Variants in ARMC3 observed in about 807,000 individuals in gnomAD.
ARMC3 encodes the protein armadillo repeat-containing protein 3.
Under a neutral mutation model 90.3 loss-of-function variants are expected in ARMC3, and 74 were observed. The ratio of observed to expected loss-of-function variants is 0.82; its 90% confidence interval spans 0.68 to 0.99. The LOEUF (loss-of-function observed/expected upper bound fraction) is 0.99. Among genes scored for constraint, ARMC3 ranks in the 50% least tolerant of loss-of-function variants. The pLI is 0.00. For missense variants in ARMC3, 958 were observed against 1,042.8 expected, an observed-to-expected ratio of 0.92 and a Z score of 1.12; for synonymous variants, 334 against 361.8, an observed-to-expected ratio of 0.92 and a Z score of 0.87.
At chr10:22,986,110 G>GCCCC (rs147031860) in intron 10 of ARMC3, among the ~76,000 whole-genome samples, 39 of 101,578 alleles carry the variant, frequency 3.8e-4, no homozygotes, top group East Asian at 3.2e-3. Context: ...TGCACTGCAC[G>GCCCC]CCCCCCCCCC....
At chr10:22,987,278 T>G (rs1197147995) in intron 10 of ARMC3, among the ~76,000 whole-genome samples, 20 of 143,442 alleles carry the variant, frequency 1.4e-4, no homozygotes, top group Admixed American at 1.3e-3. Flanking sequence ...ACTGAGAGAC[T>G]TATTCTCTGA....
At position 22,968,401 on chromosome 10, in the gene ARMC3, T is replaced by C; in HGVS notation, c.828T>C (p.Leu276=). 6.2e-7 allele frequency: 1 copy of C among 1,613,470 alleles called. No individual in the cohort carries two copies. Among genetic ancestry groups the C allele is most frequent in the Non-Finnish European group, 8.5e-7 (1 of 1,179,784 alleles). The change falls in exon 8 of 19, where the codon CTT becomes CTC. Residue 276 remains leucine (L), a synonymous_variant. Transcript: ENST00000298032. ...TMVQIQQTGG[L]KKLLSFAENS... ...TGCAGATTCAGCAGACAGGGGGTCT[T>C]AAAAAGCTCCTGTCATTTGCAGAAA...
chr10:22,952,865 T>A (rs554941176), intron 3 of ARMC3, among the ~76,000 whole-genome samples: 1 of 152,356 alleles, frequency 6.6e-6, no homozygotes, highest in African/African-American at 2.4e-5. Context: ...CAAGGTTGAT[T>A]TAATAACTGC....
chr10:22,931,252 T>A (rs577346403), intron 1 of ARMC3, among the ~76,000 whole-genome samples: 72 of 152,292 alleles, frequency 4.7e-4, no homozygotes, highest in Middle Eastern at 3.4e-3. Flanking sequence ...CCCAGGCTGG[T>A]TACTCCTCTG....
intron 10 of ARMC3, among the ~76,000 whole-genome samples, chr10:22,990,856 C>T (rs1218783304): frequency 6.6e-6 from 1 of 152,160 alleles, no homozygotes; most frequent in Admixed American, 6.5e-5. Flanking sequence ...ACTCCTTGTA[C>T]TCACTCCAGT....
intron 4 of ARMC3, among the ~76,000 whole-genome samples, chr10:22,956,546 T>G (rs1834943615): frequency 6.6e-6 from 1 of 151,954 alleles, no homozygotes; most frequent in African/African-American, 2.4e-5. Context: ...GAGGTTGCAG[T>G]GAGCTGAGAT....
intron 15 of ARMC3, 39 bp downstream of exon 15, chr10:23,008,413 C>T (rs750400411): frequency 2.9e-6 from 3 of 1,049,936 alleles, no homozygotes; most frequent in South Asian, 1.5e-5. Context: ...AAACAGCTTC[C>T]CCTTTAATTT....
At chr10:23,033,376 G>A (rs1315082484) in intron 18 of ARMC3, among the ~76,000 whole-genome samples, 1 of 152,170 alleles carries the variant, frequency 6.6e-6, no homozygotes, top group Admixed American at 6.5e-5. Context: ...AACCAGACTT[G>A]CAGCTTCCAA....
In ARMC3 at chr10:23,003,425, G is replaced by A. The variant is rs1361989834; in HGVS notation, c.1731+11G>A. The A allele has an allele frequency of 3.8e-6, 6 of 1,575,620 alleles. No homozygotes were observed. In the Admixed American group the frequency reaches 5.5e-5, roughly 14 times the overall value. On this transcript the variant is annotated intron_variant, in intron 13 of 18. Coordinates refer to ENST00000298032, the MANE Select transcript of ARMC3 (RefSeq NM_173081.5). ...TATGATTATGGTCGGGTAAGTGACAGCATTTATTTGTAGTTTAGTATGTAC... is the reference window on the plus strand; with the variant it reads ...TATGATTATGGTCGGGTAAGTGACAACATTTATTTGTAGTTTAGTATGTAC...
intron 16 of ARMC3, chr10:23,014,070 C>T (rs1284298807): frequency 3.4e-5 from 52 of 1,548,558 alleles, no homozygotes; most frequent in Non-Finnish European, 4.5e-5. Flanking sequence ...ACTGTCTTCA[C>T]TCTCCCTCTT....
In ARMC3 at chr10:23,014,420, G is replaced by C. The variant is rs932404330; in HGVS notation, c.2045+5489G>C. 2.6e-6 allele frequency: 3 copies of C among 1,137,440 alleles called. No individual in the cohort carries two copies. In the African/African-American group the frequency reaches 4.7e-5, roughly 18 times the overall value. The allele number at this position is 1,137,440 out of a possible 1,614,324, so 70.5% of individuals were successfully genotyped here. ...GCCTGTCTTTTGGTCAACCCTTCTT[G>C]TCTTATGACTATTAAAACTTTGGAC... On this transcript the variant is annotated intron_variant, in intron 16 of 18. Coordinates refer to ENST00000298032, the MANE Select transcript of ARMC3 (RefSeq NM_173081.5).
intron 2 of ARMC3, among the ~76,000 whole-genome samples, chr10:22,945,292 T>G (rs1379958431): frequency 1.3e-5 from 2 of 152,210 alleles, no homozygotes; most frequent in Admixed American, 1.3e-4. Flanking sequence ...CAGCTAAAGC[T>G]TTGAAATACA....
rs78933005 is a variant in ARMC3, at chr10:22,931,922, C to T, written c.-1-74C>T. 69 of 1,297,040 alleles carry T rather than the reference C, an allele frequency of 5.3e-5. No homozygotes were observed. In the East Asian group the frequency reaches 1.6e-3, roughly 29 times the overall value. The allele number at this position is 1,297,040 out of a possible 1,614,324, so 80.3% of individuals were successfully genotyped here. A position where few individuals can be genotyped will look rare whatever the true frequency, so the allele number is the denominator to read the frequency against. The stretch of plus-strand genomic sequence containing the variant: ...AAAATTTAAAGGAGAAAATAAACCT[C>T]CTCTCAAGGGCACAGGTAATTGAGA... On this transcript the variant is annotated intron_variant, in intron 1 of 18. Coordinates refer to ENST00000298032, the MANE Select transcript of ARMC3 (RefSeq NM_173081.5).
At chr10:22,930,000 A>G (rs1438665717) in intron 1 of ARMC3, among the ~76,000 whole-genome samples, 1 of 152,254 alleles carries the variant, frequency 6.6e-6, no homozygotes, top group African/African-American at 2.4e-5. Context: ...TTCCTAAGTG[A>G]AAATCAGATG....
In ARMC3 at chr10:22,946,204, C is replaced by T; in HGVS notation, c.109C>T (p.Pro37Ser). ...AACTGTGGTGTTAATGCTTAATTCT[C>T]CAGAAGAGGAAATTTTGGCTAAAGC... ...AATVVLMLNS[P>S]EEEILAKACE... The change falls in exon 3 of 19, where the codon CCA becomes TCA. Residue 37 changes from proline to serine, a missense_variant. Physicochemically the swap from Pro to Ser is moderately conservative, Grantham distance 74 (BLOSUM62 -1). Transcript: ENST00000298032. The T allele has an allele frequency of 1.9e-6, 3 of 1,613,138 alleles. No individual in the cohort carries two copies. Among genetic ancestry groups the T allele is most frequent in the South Asian group, 1.1e-5 (1 of 90,736 alleles).
At chr10:22,972,016 CCTT>C (rs764638615) in intron 8 of ARMC3, among the ~76,000 whole-genome samples, 1 of 152,288 alleles carries the variant, frequency 6.6e-6, no homozygotes, top group South Asian at 2.1e-4. Context: ...CTATTCAAGT[CCTT>C]CTCCCATTTT....
intron 16 of ARMC3, among the ~76,000 whole-genome samples, chr10:23,029,120 A>G (rs1838822941): frequency 6.6e-6 from 1 of 152,232 alleles, no homozygotes; most frequent in African/African-American, 2.4e-5. Context: ...CTTAGAATGC[A>G]CAAGAATGAA....
At chr10:23,034,746 A>G (rs1368741889) in intron 18 of ARMC3, among the ~76,000 whole-genome samples, 2 of 152,222 alleles carry the variant, frequency 1.3e-5, no homozygotes, top group East Asian at 1.9e-4. Context: ...ATTGGAGAAC[A>G]CCTCCAGGTC....
chr10:23,009,902 G>A (rs1006159031), intron 16 of ARMC3, among the ~76,000 whole-genome samples: 5 of 152,154 alleles, frequency 3.3e-5, no homozygotes, highest in Admixed American at 6.5e-5. Context: ...TAAGGGCCAC[G>A]GTGGCATTGG....
Sources: allele counts gnomAD v4.1 joint callset (sites outside exome capture counted in the v4.1 genomes callset), GRCh38; gene constraint gnomAD v4.1.1; transcripts MANE v1.5; gene names NCBI Gene and HGNC (gene_info 2026-07-23, HGNC 2026-07-21).